The following CES5A variants were observed in gnomAD, a reference collection of about 807,000 sequenced individuals.
CES5A encodes the protein carboxylesterase 5.
CES5A carries 67 observed loss-of-function variants against 62.9 expected under a neutral mutation model. The ratio of observed to expected loss-of-function variants is 1.07; its 90% CI spans 0.88 to 1.31. CES5A has a LOEUF of 1.31. Among genes scored for constraint, CES5A ranks in the 50% most tolerant of loss-of-function variants. CES5A has a pLI of 0.00. For synonymous variants in CES5A, 296 were observed against 280.8 expected (o/e 1.05, Z -0.54); for missense variants, 748 against 708.5 (o/e 1.06, Z -0.63).
At chr16:55,950,502 G>C (rs939998393) in intron 1 of CES5A, among the ~76,000 whole-genome samples, 4 of 152,140 alleles carry the variant, frequency 2.6e-5, no homozygotes, top group African/African-American at 7.2e-5. Flanking sequence ...TATCAGAATA[G>C]ATAAAAACTA....
rs533994113 is a variant in CES5A, at chr16:55,865,996, G to T, written c.672C>A (p.Gly224=). ...GGDPSSVTIF[G]ESAGAISVSS... is the part of the protein sequence containing the mutation. ...AAACACTTATGGCTCCCGCGGACTC[G>T]CCAAAGATGGTCACAGAGCTGGGGT... The change falls in exon 5 of 13, where the codon GGC becomes GGA. Residue 224 remains glycine (G), a synonymous_variant. Transcript: ENST00000290567. 6.2e-7 allele frequency: 1 copy of T among 1,614,016 alleles called. No individual in the cohort carries two copies. The highest frequency in any genetic ancestry group is 8.5e-7 in the Non-Finnish European group (1 of 1,180,016).
chr16:55,877,084 G>A (rs1289391582), upstream of CES5A, among the ~76,000 whole-genome samples: 8 of 152,246 alleles, frequency 5.3e-5, no homozygotes, highest in Non-Finnish European at 7.4e-5. Context: ...CCCGGCAGTG[G>A]GACATTGCTG....
chr16:55,861,627 C>A, intron 6 of CES5A, 111 bp from the exon 7 acceptor site: 1 of 749,462 alleles, frequency 1.3e-6, no homozygotes, highest in South Asian at 1.5e-5. Context: ...ATATATGAGT[C>A]CATCCTGCTA....
At position 55,902,255 on chromosome 16, in the gene CES5A, A is replaced by G. The variant is rs73553885; in HGVS notation, c.-256+23068T>C. ...CATTTGAGGAGGCTGTGATCCATGGAGCATGGAATGGGTAGCAGAAATTTT... is the reference window on the plus strand; with the variant it reads ...CATTTGAGGAGGCTGTGATCCATGGGGCATGGAATGGGTAGCAGAAATTTT... On this transcript the variant is annotated intron_variant, in intron 1 of 12. Transcript: ENST00000518005. Among the ~76,000 whole-genome samples the G allele has an allele frequency of 9.4e-3, 1,428 of 152,282 alleles. 27 individuals carry two copies. The highest frequency in any genetic ancestry group is 0.033 in the African/African-American group (1,364 of 41,548).
chr16:55,955,018 G>T (rs1410022925), intron 1 of CES5A, among the ~76,000 whole-genome samples: 1 of 152,104 alleles, frequency 6.6e-6, no homozygotes, highest in African/African-American at 2.4e-5. Context: ...CTCCAAAGTT[G>T]CTTCCAACTC....
intron 1 of CES5A, among the ~76,000 whole-genome samples, chr16:55,897,864 T>C (rs1286321549): frequency 6.6e-6 from 1 of 152,230 alleles, no homozygotes; most frequent in African/African-American, 2.4e-5. Context: ...TTGTGGTATA[T>C]ACATATAGTG....
intron 1 of CES5A, among the ~76,000 whole-genome samples, chr16:55,950,245 A>G (rs1482748863): frequency 1.3e-5 from 2 of 152,212 alleles, no homozygotes; most frequent in African/African-American, 4.8e-5. Flanking sequence ...AAGAAAATCA[A>G]CCTCGTGAAA....
chr16:55,894,252 T>C (rs1437673336), intron 1 of CES5A, among the ~76,000 whole-genome samples: 3 of 152,106 alleles, frequency 2.0e-5, no homozygotes, highest in African/African-American at 7.2e-5. Flanking sequence ...CTCACACCTG[T>C]AATCCCAGCA....
At chr16:55,904,993 G>C (rs2142444961) in intron 1 of CES5A, among the ~76,000 whole-genome samples, 1 of 152,304 alleles carries the variant, frequency 6.6e-6, no homozygotes, top group African/African-American at 2.4e-5. Flanking sequence ...TTATTAAATT[G>C]AATTGAATAG....
chr16:55,938,765 A>AATATATATAT (rs763759878), intron 2 of CES5A, among the ~76,000 whole-genome samples: 13 of 39,194 alleles, frequency 3.3e-4, no homozygotes, highest in South Asian at 1.3e-3. Context: ...AAAAAAAAAA[A>AATATATATAT]ATATATATAT....
At chr16:55,859,301 C>T (rs1442740228) in intron 8 of CES5A, among the ~76,000 whole-genome samples, 3 of 152,220 alleles carry the variant, frequency 2.0e-5, no homozygotes, top group Admixed American at 2.0e-4. Context: ...TCCCCTCTTT[C>T]CTTTTTATAC....
chr16:55,929,733 G>C (rs550371392), upstream of CES5A, among the ~76,000 whole-genome samples: 5 of 152,196 alleles, frequency 3.3e-5, no homozygotes, highest in Admixed American at 6.5e-5. Flanking sequence ...AAGTGAGGTC[G>C]AATCATGAAA....
intron 1 of CES5A, among the ~76,000 whole-genome samples, chr16:55,893,872 A>G (rs1320661750): frequency 2.6e-5 from 4 of 152,162 alleles, no homozygotes; most frequent in Admixed American, 1.3e-4. Flanking sequence ...GAGAATCTCA[A>G]CATATCTCAA....
chr16:55,913,500 A>G (rs2142452420), intron 1 of CES5A, among the ~76,000 whole-genome samples: 1 of 152,298 alleles, frequency 6.6e-6, no homozygotes, highest in African/African-American at 2.4e-5. Context: ...ACTGGTCCCC[A>G]GGAAAGAAGA....
chr16:55,890,113 C>T (rs1313371263), intron 1 of CES5A, among the ~76,000 whole-genome samples: 2 of 151,838 alleles, frequency 1.3e-5, no homozygotes, highest in Admixed American at 6.6e-5. Context: ...CTTGCAAGCA[C>T]CCAAGAAGGA....
chr16:55,938,438 G>C (rs1380521425), intron 2 of CES5A, among the ~76,000 whole-genome samples: 1 of 152,040 alleles, frequency 6.6e-6, no homozygotes, highest in African/African-American at 2.4e-5. Flanking sequence ...TGGTTCCCTA[G>C]ATTCTGACTA....
intron 1 of CES5A, among the ~76,000 whole-genome samples, chr16:55,897,197 G>A (rs1334847062): frequency 6.6e-6 from 1 of 151,968 alleles, no homozygotes; most frequent in African/African-American, 2.4e-5. Flanking sequence ...CAACCCCAGG[G>A]TACCACTCCC....
rs74911903 is a variant in CES5A, at chr16:55,868,363, C to T, written c.551+1248G>A. Among the ~76,000 whole-genome samples the T allele has an allele frequency of 1.4e-3, 210 of 152,326 alleles. 1 individual carries two copies. The highest frequency in any genetic ancestry group is 4.9e-3 in the African/African-American group (205 of 41,568). ...GTCTGCAAAAGTATTGCTTCATCCC[C>T]ATGTGTTGCTACCTCCCTCCCAACT... On this transcript the variant is annotated intron_variant, in intron 4 of 12. Transcript: ENST00000290567.
chr16:55,907,959 C>T (rs1343083274), intron 1 of CES5A, among the ~76,000 whole-genome samples: 2 of 152,206 alleles, frequency 1.3e-5, no homozygotes, highest in African/African-American at 2.4e-5. Context: ...CTGGATCCCT[C>T]CATTCCTACT....
Sources: allele counts gnomAD v4.1 joint callset (sites outside exome capture counted in the v4.1 genomes callset), GRCh38; gene constraint gnomAD v4.1.1; transcripts MANE v1.5; gene names NCBI Gene and HGNC (gene_info 2026-07-23, HGNC 2026-07-21).